Variants in ACTR3C observed in about 807,000 individuals in gnomAD.
The protein encoded by ACTR3C is actin-related protein 3C.
ACTR3C carries 18 observed loss-of-function variants against 26.3 expected under a neutral mutation model. The observed-to-expected ratio is 0.68, with a 90% CI of 0.47 to 1.01. The LOEUF is 1.01. ACTR3C is among the 50% of genes least tolerant of loss of function. The probability of loss-of-function intolerance (pLI) is 0.00; values close to 1 mark genes in which losing one functional copy is unlikely to be tolerated. For missense variants in ACTR3C, 184 were observed against 250.7 expected (o/e 0.73, Z 1.80); for synonymous variants, 55 against 94.5 (o/e 0.58, Z 2.42).
chr7:149,928,381 CTTTTT>C, the ACTR3C span, among the ~76,000 whole-genome samples: 941 of 106,832 alleles, frequency 8.8e-3, 6 homozygotes, highest in African/African-American at 0.03. Context: ...TTTTGTATTT[CTTTTT>C]TTTTTTTTTT....
chr7:150,085,150 A>T, the ACTR3C span, among the ~76,000 whole-genome samples: 1 of 152,234 alleles, frequency 6.6e-6, no homozygotes, highest in South Asian at 2.1e-4. Flanking sequence ...GTTAGCGAGG[A>T]CATGTTAGAC....
In ACTR3C at chr7:150,286,002, ATT is replaced by A. The variant is rs1283627433; in HGVS notation, c.471+363_471+364del. On this transcript the variant is annotated intron_variant, in intron 5 of 7. Coordinates refer to ENST00000683684, the MANE Select transcript of ACTR3C (RefSeq NM_001164458.2). ...ATCACCAAAGATAGAAAGGTTACAT[ATT>A]ATCCCACTCTTATGCACAGGCAACC... Among the ~76,000 whole-genome samples, 60 of 152,292 alleles carry A rather than the reference ATT, an allele frequency of 3.9e-4. No homozygotes were observed. The Middle Eastern group carries it at 0.01, about 26-fold the overall frequency.
At chr7:150,051,259 GT>G in the ACTR3C span, among the ~76,000 whole-genome samples, 1 of 152,022 alleles carries the variant, frequency 6.6e-6, no homozygotes, top group Non-Finnish European at 1.5e-5. Flanking sequence ...AAAGTGGTTA[GT>G]ATGTTAGAAT....
chr7:149,919,397 T>A, the ACTR3C span, among the ~76,000 whole-genome samples: 2 of 150,644 alleles, frequency 1.3e-5, no homozygotes, highest in African/African-American at 2.4e-5. Flanking sequence ...TCCACCACCA[T>A]GCCCAGCTAA....
chr7:149,907,309 C>T, the ACTR3C span, among the ~76,000 whole-genome samples: 1 of 111,592 alleles, frequency 9.0e-6, no homozygotes, highest in African/African-American at 3.4e-5. Context: ...CAGCACTCAG[C>T]ACACACATCC....
At chr7:150,038,888 C>T in the ACTR3C span, among the ~76,000 whole-genome samples, 2 of 103,354 alleles carry the variant, frequency 1.9e-5, no homozygotes, top group African/African-American at 3.2e-5. Flanking sequence ...GCGGGGGGTG[C>T]CTCCCCCCTG....
chr7:150,129,071 C>G, the ACTR3C span, among the ~76,000 whole-genome samples: 16,472 of 143,682 alleles, frequency 0.11, 408 homozygotes, highest in African/African-American at 0.17. Flanking sequence ...ACCTGCAGCA[C>G]AGTCCTATGG....
the ACTR3C span, among the ~76,000 whole-genome samples, chr7:150,055,495 T>G: frequency 9.2e-5 from 14 of 151,502 alleles, no homozygotes; most frequent in African/African-American, 2.2e-4. Flanking sequence ...GAGGGAGTTT[T>G]TTTTTTTTTT....
intron 6 of ACTR3C, among the ~76,000 whole-genome samples, chr7:150,273,965 G>A (rs1364918132): frequency 2.0e-5 from 3 of 152,156 alleles, no homozygotes; most frequent in Admixed American, 6.5e-5. Flanking sequence ...TGAGCACCTC[G>A]CATGGGCCAG....
the ACTR3C span, among the ~76,000 whole-genome samples, chr7:150,034,032 A>AT: frequency 2.0e-5 from 3 of 150,816 alleles, no homozygotes; most frequent in Admixed American, 6.6e-5. Flanking sequence ...CCCAAGAGCC[A>AT]GGGGGGGAAG....
chr7:149,922,969 G>GGTTTT, the ACTR3C span, among the ~76,000 whole-genome samples: 1 of 23,102 alleles, frequency 4.3e-5, no homozygotes, highest in Non-Finnish European at 9.7e-5. Flanking sequence ...GAAATAAAAG[G>GGTTTT]CTTTTTTTTT....
the ACTR3C span, among the ~76,000 whole-genome samples, chr7:149,909,265 C>CAAAAA: frequency 7.4e-6 from 1 of 135,140 alleles, no homozygotes; most frequent in African/African-American, 3.0e-5. Context: ...TCATTTCCAC[C>CAAAAA]AAAAAAAAAA....
At chr7:149,893,054 T>C in the ACTR3C span, among the ~76,000 whole-genome samples, 2 of 152,214 alleles carry the variant, frequency 1.3e-5, no homozygotes, top group Admixed American at 1.3e-4. Context: ...TAGCAGTAAA[T>C]AATCATATCA....
At chr7:150,224,587 G>A in the ACTR3C span, among the ~76,000 whole-genome samples, 1 of 152,220 alleles carries the variant, frequency 6.6e-6, no homozygotes, top group Non-Finnish European at 1.5e-5. Flanking sequence ...AGGAGTTGCT[G>A]CTCTAAAGCA....
At chr7:150,225,004 A>AGTGTGTGT in the ACTR3C span, among the ~76,000 whole-genome samples, 476 of 136,276 alleles carry the variant, frequency 3.5e-3, 5 homozygotes, top group African/African-American at 6.0e-3. Context: ...CACCCCCATT[A>AGTGTGTGT]GTGTGTGTGT....
chr7:150,036,098 G>C, the ACTR3C span, among the ~76,000 whole-genome samples: 4 of 134,690 alleles, frequency 3.0e-5, no homozygotes, highest in East Asian at 2.1e-4. Flanking sequence ...CCTGCGATGG[G>C]GGTGCAAAGA....
the ACTR3C span, among the ~76,000 whole-genome samples, chr7:150,154,034 G>A: frequency 6.9e-6 from 1 of 144,136 alleles, no homozygotes; most frequent in African/African-American, 2.6e-5. Flanking sequence ...GAGAACGCAT[G>A]GACACAGGAA....
intron 1 of ACTR3C, among the ~76,000 whole-genome samples, chr7:150,298,099 T>TA (rs1410248379): frequency 6.6e-6 from 1 of 150,992 alleles, no homozygotes; most frequent in East Asian, 1.9e-4. Flanking sequence ...GTAACATCAT[T>TA]AATCAAAAGC....
At chr7:150,060,747 T>C in the ACTR3C span, among the ~76,000 whole-genome samples, 1 of 152,222 alleles carries the variant, frequency 6.6e-6, no homozygotes, top group Non-Finnish European at 1.5e-5. Context: ...CCGGGCTGAC[T>C]CAGGGCAGCC....
Sources: allele counts gnomAD v4.1 joint callset (sites outside exome capture counted in the v4.1 genomes callset), GRCh38; gene constraint gnomAD v4.1.1; transcripts MANE v1.5; gene names NCBI Gene and HGNC (gene_info 2026-07-23, HGNC 2026-07-21).